The following FBXL22 variants were observed in gnomAD, a reference collection of about 807,000 sequenced individuals.
FBXL22 encodes the protein F-box and leucine rich repeat protein 22.
A neutral mutation model predicts 11.7 loss-of-function variants in FBXL22; 13 were observed. The observed-to-expected ratio is 1.11, with a 90% confidence interval of 0.73 to 1.77. FBXL22 has a LOEUF of 1.77. Among genes scored for constraint, FBXL22 ranks in the 40% most tolerant of loss-of-function variants. The probability of loss-of-function intolerance (pLI) is 0.00; values close to 1 mark genes in which losing one functional copy is unlikely to be tolerated. For synonymous variants in FBXL22, 160 were observed against 144.1 expected (o/e 1.11, Z -0.79); for missense variants, 406 against 320.4 (o/e 1.27, Z -2.04).
downstream of FBXL22, among the ~76,000 whole-genome samples, chr15:63,606,231 G>A (rs1197967097): frequency 1.3e-5 from 2 of 152,206 alleles, no homozygotes; most frequent in African/African-American, 2.4e-5. Context: ...CCCAAGATCT[G>A]CTTTTGGCTA....
chr15:63,607,645 A>G, the FBXL22 span, among the ~76,000 whole-genome samples: 2 of 152,188 alleles, frequency 1.3e-5, no homozygotes, highest in Non-Finnish European at 2.9e-5. Context: ...TTTTCTTTTA[A>G]TTTCTCTTTG....
chr15:63,597,558 TC>T lies in FBXL22; in HGVS notation c.169del (p.Leu57SerfsTer129). On this transcript the variant is annotated frameshift_variant, in exon 1 of 2. Coordinates refer to ENST00000638704, the MANE Select transcript of FBXL22 (RefSeq NM_001367807.1). LOFTEE classifies it high-confidence loss of function. The surrounding 1 kb of genome is among the most constrained non-coding windows in gnomAD (Gnocchi z 4.3). ...ACTCTGGTCCCTGCTGCACTTCCGT[TC>T]CCTCACTGAACTCCAGAAGGACAAC... Reference protein sequence around the residue: ...PALWSLLHFRSLTELQKDNFL... With the variant: ...PALWSLLHFRXLTELQKDNFL... 1 of 1,614,154 alleles carries T rather than the reference TC, an allele frequency of 6.2e-7. No individual in the cohort carries two copies. The highest frequency in any genetic ancestry group is 8.5e-7 in the Non-Finnish European group (1 of 1,180,028).
rs2067356292 is a variant in FBXL22 at position 63,600,783 on chromosome 15, G to C, written c.440G>C (p.Arg147Pro). The change falls in exon 2 of 2, where the codon CGC (arginine) becomes CCC (proline). Residue 147 changes from arginine to proline, a missense_variant. Transcript: ENST00000638704. ...CLARLLRCCP[R>P]LRALRLENCA... is the part of the protein sequence containing the mutation. ...GCGCGCCTGCTGCGCTGCTGCCCAC[G>C]CCTGCGCGCACTGCGCCTGGAGAAC... 1 of 1,231,250 alleles carries C rather than the reference G, an allele frequency of 8.1e-7. No homozygotes were observed. Among genetic ancestry groups the C allele is most frequent in the East Asian group, 3.2e-5 (1 of 31,688 alleles). 76.3% of individuals were successfully genotyped at this position (1,231,250 alleles called of 1,614,324 possible).
chr15:63,599,402 T>G, intron 1 of FBXL22: 1 of 1,365,128 alleles, frequency 7.3e-7, no homozygotes, highest in Non-Finnish European at 9.4e-7. Context: ...AAGGTAACAA[T>G]TCCTCCCACT....
chr15:63,599,410 A>G, intron 1 of FBXL22: 1 of 1,368,370 alleles, frequency 7.3e-7, no homozygotes, highest in Non-Finnish European at 9.4e-7. Flanking sequence ...AATTCCTCCC[A>G]CTTGACAAAT....
intron 1 of FBXL22, 176 bp from the exon 2 acceptor site, chr15:63,600,521 A>T: frequency 8.1e-7 from 1 of 1,228,580 alleles, no homozygotes; most frequent in Non-Finnish European, 1.0e-6. Context: ...CAGAAAGAGG[A>T]GGGAAAATGG....
chr15:63,597,556 G>C lies in FBXL22; in HGVS notation c.164G>C (p.Arg55Pro). 6.2e-7 allele frequency: 1 copy of C among 1,614,134 alleles called. No homozygotes were observed. Reference protein sequence around the residue: ...DPALWSLLHFRSLTELQKDNF... With the variant: ...DPALWSLLHFPSLTELQKDNF... ...GCACTCTGGTCCCTGCTGCACTTCC[G>C]TTCCCTCACTGAACTCCAGAAGGAC... Residue 55 changes from arginine (R) to proline (P), a missense_variant, in exon 1 of 2, where the codon CGT (arginine) becomes CCT (proline). Arg to Pro is a moderately radical substitution (Grantham distance 103, BLOSUM62 -2). Coordinates refer to ENST00000638704, the MANE Select transcript of FBXL22 (RefSeq NM_001367807.1). This position sits in a 1 kb window ranked among gnomAD's most constrained non-coding sequence, Gnocchi z 4.3.
intron 1 of FBXL22, chr15:63,599,321 CAA>C: frequency 6.9e-7 from 1 of 1,459,286 alleles, no homozygotes; most frequent in Non-Finnish European, 9.0e-7. Flanking sequence ...AGAATTATTC[CAA>C]AGATTCTTAG....
In FBXL22 at chr15:63,601,150, C is replaced by T; in HGVS notation, c.*111C>T. On this transcript the variant is annotated 3_prime_UTR_variant, in exon 2 of 2. Coordinates refer to ENST00000638704, the MANE Select transcript of FBXL22 (RefSeq NM_001367807.1). ...CACCGCATATTCTGAGCCTCATTTT[C>T]CCCGTCTGCACAGTGGGGATAAGAA... is the stretch of plus-strand genomic sequence containing the variant. 1 of 1,380,706 alleles carries T rather than the reference C, an allele frequency of 7.2e-7. No homozygotes were observed. The highest frequency in any genetic ancestry group is 9.3e-7 in the Non-Finnish European group (1 of 1,071,914). 85.5% of individuals were successfully genotyped at this position (1,380,706 alleles called of 1,614,324 possible). A position where few individuals can be genotyped will look rare whatever the true frequency, so the allele number is the denominator to read the frequency against.
the FBXL22 span, among the ~76,000 whole-genome samples, chr15:63,607,514 G>A: frequency 6.6e-6 from 1 of 152,204 alleles, no homozygotes; most frequent in African/African-American, 2.4e-5. Flanking sequence ...CTCTCCCTGA[G>A]ACCCAATTCT....
downstream of FBXL22, among the ~76,000 whole-genome samples, chr15:63,605,434 A>C (rs147452597): frequency 9.8e-5 from 15 of 152,350 alleles, no homozygotes; most frequent in African/African-American, 3.4e-4. Flanking sequence ...CTGGCACAAC[A>C]CACAAATCCC....
downstream of FBXL22, chr15:63,601,446 T>C: frequency 1.3e-6 from 2 of 1,575,534 alleles, no homozygotes; most frequent in Admixed American, 1.8e-5. Flanking sequence ...GGGCCAGGGC[T>C]GCCGCGCGCA....
chr15:63,606,330 T>G (rs1160385251), downstream of FBXL22, among the ~76,000 whole-genome samples: 1 of 152,222 alleles, frequency 6.6e-6, no homozygotes, highest in Non-Finnish European at 1.5e-5. Flanking sequence ...AAAGCCATAC[T>G]TTGAAGGATG....
At chr15:63,599,530 G>A (rs2067330015) in intron 1 of FBXL22, 2 of 1,107,988 alleles carry the variant, frequency 1.8e-6, no homozygotes, top group Non-Finnish European at 1.1e-6. Context: ...GTACAAAACT[G>A]GGGGTGCAGA....
At chr15:63,600,463 C>G in intron 1 of FBXL22, 1 of 1,218,102 alleles carries the variant, frequency 8.2e-7, no homozygotes, top group Non-Finnish European at 1.0e-6. Context: ...GCTCCCAAGG[C>G]TACGAGCCAA....
chr15:63,602,004 C>T (rs576269624), downstream of FBXL22: 44 of 307,350 alleles, frequency 1.4e-4, no homozygotes, highest in African/African-American at 9.5e-4. Context: ...CCCCGGCAGC[C>T]GCCTGGTCCT....
chr15:63,607,947 C>T, the FBXL22 span, among the ~76,000 whole-genome samples: 5 of 152,218 alleles, frequency 3.3e-5, no homozygotes, highest in African/African-American at 1.2e-4. Flanking sequence ...ACTCAGGGCC[C>T]GCAGGGGCTA....
At chr15:63,600,665 G>A (rs2067352488) in intron 1 of FBXL22, 32 bp from the exon 2 acceptor site, 1 of 1,231,314 alleles carries the variant, frequency 8.1e-7, no homozygotes. Flanking sequence ...TAACAAGCCA[G>A]TGAGCCCCGG....
chr15:63,599,978 T>A (rs2067340699), intron 1 of FBXL22: 1 of 985,790 alleles, frequency 1.0e-6, no homozygotes, highest in Non-Finnish European at 1.2e-6. Flanking sequence ...TCAAGATCTT[T>A]TCTTTGCTGG....
Sources: gnomAD v4.1 joint callset for allele counts (sites outside exome capture counted in the v4.1 genomes callset) on GRCh38, gnomAD v4.1.1 for gene constraint, Gnocchi (gnomAD v3.1) non-coding constraint, MANE v1.5 for transcripts, NCBI Gene and HGNC (gene_info 2026-07-23, HGNC 2026-07-21) for gene names.